The following MACROD2 variants were observed in gnomAD, a reference collection of about 807,000 sequenced individuals.
The protein encoded by MACROD2 is mono-ADP ribosylhydrolase 2.
MACROD2 carries 36 observed loss-of-function variants against 70.4 expected under a neutral mutation model. The ratio of observed to expected loss-of-function variants is 0.51; its 90% CI spans 0.39 to 0.68. The LOEUF (loss-of-function observed/expected upper bound fraction) is 0.68. Ranked by LOEUF, MACROD2 falls within the 30% of genes least tolerant of loss-of-function variation. The pLI, the probability that MACROD2 is intolerant of heterozygous loss-of-function variation, is 0.00. For missense variants in MACROD2, 496 were observed against 538.4 expected (o/e 0.92, Z 0.78); for synonymous variants, 172 against 178.8 (o/e 0.96, Z 0.30).
At chr20:15,662,844 T>A (rs2049841209) in intron 8 of MACROD2, among the ~76,000 whole-genome samples, 1 of 151,866 alleles carries the variant, frequency 6.6e-6, no homozygotes, top group Non-Finnish European at 1.5e-5. Flanking sequence ...GAGTGGGGCC[T>A]TATGGGGAAG....
At chr20:14,994,623 GA>G (rs1160544931) in intron 5 of MACROD2, among the ~76,000 whole-genome samples, 1 of 151,806 alleles carries the variant, frequency 6.6e-6, no homozygotes, top group Admixed American at 6.6e-5. Context: ...AAAGGAAATA[GA>G]AAAAAAGCAG....
chr20:14,331,476 T>G (rs1459718329), intron 3 of MACROD2, among the ~76,000 whole-genome samples: 1 of 152,118 alleles, frequency 6.6e-6, no homozygotes. Flanking sequence ...TAAATCTCAT[T>G]AAGTTCTTGG....
At chr20:14,565,131 A>G (rs1405972887) in intron 4 of MACROD2, among the ~76,000 whole-genome samples, 1 of 151,882 alleles carries the variant, frequency 6.6e-6, no homozygotes, top group Non-Finnish European at 1.5e-5. Flanking sequence ...GAGCTAAACA[A>G]TGGACATACA....
intron 2 of MACROD2, chr20:14,053,677 C>A (rs907458075): frequency 1.3e-5 from 2 of 152,052 alleles, no homozygotes; most frequent in Non-Finnish European, 2.9e-5. Flanking sequence ...ACTAATTTTT[C>A]AAGATGAAGT....
chr20:15,417,228 A>G (rs1243702655), intron 6 of MACROD2, among the ~76,000 whole-genome samples: 1 of 152,110 alleles, frequency 6.6e-6, no homozygotes, highest in East Asian at 1.9e-4. Context: ...GGCTACAATT[A>G]TCTGGTGTAG....
chr20:15,409,670 G>A (rs1156623213), intron 6 of MACROD2, among the ~76,000 whole-genome samples: 3 of 152,166 alleles, frequency 2.0e-5, no homozygotes, highest in Non-Finnish European at 2.9e-5. Context: ...GGCAGGATCC[G>A]ATACAGTTGC....
At chr20:14,616,721 T>A (rs1368909908) in intron 4 of MACROD2, among the ~76,000 whole-genome samples, 2 of 152,108 alleles carry the variant, frequency 1.3e-5, no homozygotes, top group Non-Finnish European at 2.9e-5. Context: ...TTTTCTCCTC[T>A]CTGTCACAAA....
intron 3 of MACROD2, among the ~76,000 whole-genome samples, chr20:14,371,692 T>C (rs552255040): frequency 2.0e-5 from 3 of 152,274 alleles, no homozygotes; most frequent in Admixed American, 1.3e-4. Context: ...AGTAACTAAA[T>C]AAAGTGACTT....
intron 3 of MACROD2, among the ~76,000 whole-genome samples, chr20:14,093,507 A>C (rs934451068): frequency 6.6e-6 from 1 of 152,178 alleles, no homozygotes; most frequent in Non-Finnish European, 1.5e-5. Context: ...ATTTTTGTAG[A>C]AAAAAATTCA....
intron 5 of MACROD2, among the ~76,000 whole-genome samples, chr20:14,762,301 A>G (rs2072026219): frequency 1.3e-5 from 2 of 152,088 alleles, no homozygotes; most frequent in Admixed American, 1.3e-4. Context: ...TGTCTATACA[A>G]GCTAAGAAGA....
At position 14,721,198 on chromosome 20, in the gene MACROD2, T is replaced by C. The variant is rs1275650085; in HGVS notation, c.418+36239T>C. Among the ~76,000 whole-genome samples, 3 of 143,772 alleles carry C rather than the reference T, an allele frequency of 2.1e-5. No individual in the cohort carries two copies. The East Asian group carries it at 6.1e-4, about 29-fold the overall frequency. The allele number at this position is 143,772 out of a possible 152,430, so 94.3% of individuals were successfully genotyped here. On this transcript the variant is annotated intron_variant, in intron 5 of 17. Coordinates refer to ENST00000684519, the MANE Select transcript of MACROD2 (RefSeq NM_001351661.2). The stretch of plus-strand genomic sequence containing the variant: ...TGAACCCAGGAGGTGGAGGTTGCAG[T>C]GAGCCGAGATCGTGCCACTTCACTC...
intron 4 of MACROD2, among the ~76,000 whole-genome samples, chr20:14,549,202 A>G (rs1041901312): frequency 6.6e-6 from 1 of 152,174 alleles, no homozygotes; most frequent in African/African-American, 2.4e-5. Flanking sequence ...TGGTGGTATC[A>G]AGTATCTAAT....
At chr20:15,234,009 ATTCTT>A (rs1601275813) in intron 6 of MACROD2, among the ~76,000 whole-genome samples, 17 of 39,954 alleles carry the variant, frequency 4.3e-4, no homozygotes, top group East Asian at 2.0e-3. Context: ...ATATATATAT[ATTCTT>A]TTTTTTTTTT....
chr20:14,893,597 TA>T (rs957871619), intron 5 of MACROD2: 1 of 152,100 alleles, frequency 6.6e-6, no homozygotes, highest in Non-Finnish European at 1.5e-5. Context: ...ATTTGATAGA[TA>T]AAAAATAATT....
intron 8 of MACROD2, among the ~76,000 whole-genome samples, chr20:15,789,447 T>C (rs1027688007): frequency 3.3e-5 from 5 of 152,242 alleles, no homozygotes; most frequent in Admixed American, 3.3e-4. Context: ...ATTTTTCTTA[T>C]ATGACAGCAA....
intron 8 of MACROD2, among the ~76,000 whole-genome samples, chr20:15,556,047 C>T (rs1568889650): frequency 1.3e-5 from 2 of 152,060 alleles, no homozygotes. Flanking sequence ...GCATTCCTGA[C>T]TTATTCAGAC....
intron 3 of MACROD2, among the ~76,000 whole-genome samples, chr20:14,397,071 T>A (rs1187822182): frequency 7.0e-6 from 1 of 143,780 alleles, no homozygotes; most frequent in African/African-American, 2.6e-5. Context: ...CTCGGCTCAC[T>A]GCAAGCTCCG....
At chr20:15,316,473 AAG>A (rs2077812248) in intron 6 of MACROD2, among the ~76,000 whole-genome samples, 1 of 152,134 alleles carries the variant, frequency 6.6e-6, no homozygotes, top group African/African-American at 2.4e-5. Context: ...ATATTAATAA[AAG>A]AGTCTATTCT....
chr20:14,420,891 A>C (rs1039175881), intron 3 of MACROD2, among the ~76,000 whole-genome samples: 4 of 151,912 alleles, frequency 2.6e-5, no homozygotes, highest in Non-Finnish European at 5.9e-5. Flanking sequence ...TGAGGTTTCT[A>C]TATGTTGCCC....
Sources: gnomAD v4.1 joint callset for allele counts (sites outside exome capture counted in the v4.1 genomes callset) on GRCh38, gnomAD v4.1.1 for gene constraint, MANE v1.5 for transcripts, NCBI Gene and HGNC (gene_info 2026-07-23, HGNC 2026-07-21) for gene names.